LARGE1: variants seen among roughly 807,000 people sequenced by gnomAD.
LARGE1 encodes the protein xylosyl- and glucuronyltransferase LARGE1.
LARGE1 carries 43 observed loss-of-function variants against 87.6 expected under a neutral mutation model. That is an observed-to-expected ratio of 0.49 (90% CI 0.38 to 0.63). LARGE1 has a LOEUF of 0.63. LARGE1 is among the 30% of genes least tolerant of loss of function. LARGE1 has a pLI of 0.00. For synonymous variants in LARGE1, 434 were observed against 394.6 expected (o/e 1.10, Z -1.18); for missense variants, 802 against 1,000.2 (o/e 0.80, Z 2.67).
chr22:33,840,969 A>G (rs962600321), intron 1 of LARGE1, among the ~76,000 whole-genome samples: 2 of 152,216 alleles, frequency 1.3e-5, no homozygotes, highest in Non-Finnish European at 2.9e-5. Flanking sequence ...CATTCAATAG[A>G]AACTATACTT....
intron 11 of LARGE1, among the ~76,000 whole-genome samples, chr22:33,235,733 G>A (rs963599891): frequency 6.6e-6 from 1 of 152,246 alleles, no homozygotes; most frequent in African/African-American, 2.4e-5. Context: ...CCCAGGAGGC[G>A]AAAAGCAAAA....
intron 5 of LARGE1, among the ~76,000 whole-genome samples, chr22:33,582,308 G>T (rs920009665): frequency 6.6e-6 from 1 of 152,072 alleles, no homozygotes; most frequent in African/African-American, 2.4e-5. Context: ...TGGATGAAAA[G>T]TCTTTGTCCT....
At chr22:33,766,477 G>T (rs1407475303) in intron 1 of LARGE1, among the ~76,000 whole-genome samples, 1 of 152,200 alleles carries the variant, frequency 6.6e-6, no homozygotes, top group Non-Finnish European at 1.5e-5. Flanking sequence ...ACAGGCTGGA[G>T]TGCAATGTCG....
intron 1 of LARGE1, among the ~76,000 whole-genome samples, chr22:33,867,457 C>T (rs2064138899): frequency 6.6e-6 from 1 of 152,146 alleles, no homozygotes. Context: ...GTCCCACTGC[C>T]CAGAAAACCC....
chr22:33,203,119 G>A (rs1397750292), intron 11 of LARGE1, among the ~76,000 whole-genome samples: 2 of 151,444 alleles, frequency 1.3e-5, no homozygotes, highest in Non-Finnish European at 2.9e-5. Flanking sequence ...GTGTGTGTGT[G>A]TGTGTGCAAG....
intron 3 of LARGE1, among the ~76,000 whole-genome samples, chr22:33,644,661 C>T (rs983475029): frequency 6.6e-6 from 1 of 152,126 alleles, no homozygotes; most frequent in African/African-American, 2.4e-5. Context: ...ATTTAGAAAA[C>T]CCCATCTTCT....
intron 1 of LARGE1, among the ~76,000 whole-genome samples, chr22:33,848,887 T>A (rs2063506523): frequency 6.6e-6 from 1 of 152,072 alleles, no homozygotes; most frequent in African/African-American, 2.4e-5. Flanking sequence ...TCCTAAAGCT[T>A]TTAAAGAATC....
intron 11 of LARGE1, among the ~76,000 whole-genome samples, chr22:33,233,303 A>ATGATGATGATGATG (rs1568983813): frequency 6.6e-6 from 1 of 151,850 alleles, no homozygotes; most frequent in African/African-American, 2.4e-5. Flanking sequence ...TGATGATGAT[A>ATGATGATGATGATG]ATGATGATGA....
chr22:33,132,845 G>A, the LARGE1 span, among the ~76,000 whole-genome samples: 5 of 152,112 alleles, frequency 3.3e-5, no homozygotes, highest in Non-Finnish European at 7.3e-5. Flanking sequence ...TATCGTGCAT[G>A]TAACATACAC....
Position 33,459,389 on chromosome 22 carries a change from CTT to C in LARGE1, c.788-27126_788-27125del, listed in dbSNP as rs539387448. Among the ~76,000 whole-genome samples, 25 of 150,474 alleles carry C rather than the reference CTT, an allele frequency of 1.7e-4. No individual in the cohort carries two copies. In the South Asian group the frequency reaches 5.3e-3, roughly 32 times the overall value. Reference sequence around the variant, plus strand: ...GAGGAGCATGATCCACCGTGAAAGTCTTTTACAGGGCAGTGAACAGTAAAGTC... The same window carrying C: ...GAGGAGCATGATCCACCGTGAAAGTCTTACAGGGCAGTGAACAGTAAAGTC... On this transcript the variant is annotated intron_variant, in intron 6 of 14. Transcript: ENST00000397394.
At chr22:33,383,933 C>T (rs2065241004) in intron 8 of LARGE1, among the ~76,000 whole-genome samples, 3 of 152,314 alleles carry the variant, frequency 2.0e-5, no homozygotes, top group Admixed American at 6.5e-5. Flanking sequence ...CTATCTCTGT[C>T]ATCCTTTTTC....
At chr22:33,602,049 C>T (rs1001096122) in intron 5 of LARGE1, among the ~76,000 whole-genome samples, 1 of 152,102 alleles carries the variant, frequency 6.6e-6, no homozygotes, top group African/African-American at 2.4e-5. Context: ...ACCGGCCACA[C>T]CACCCGAGTG....
chr22:33,324,117 A>G (rs1937006153), intron 10 of LARGE1, among the ~76,000 whole-genome samples: 1 of 150,416 alleles, frequency 6.6e-6, no homozygotes, highest in South Asian at 2.1e-4. Flanking sequence ...CTGTAACCCC[A>G]TCTACTCGGG....
chr22:33,442,879 G>A lies in LARGE1; in HGVS notation c.788-10614C>T, dbSNP rs957634343. The stretch of plus-strand genomic sequence containing the variant: ...ACTATCTCCGCTCACTGCAAGCTCC[G>A]CCTCCCGGGTTCACGCCATTCTCCT... On this transcript the variant is annotated intron_variant, in intron 6 of 14. Coordinates refer to ENST00000397394, the MANE Select transcript of LARGE1 (RefSeq NM_133642.5). Among the ~76,000 whole-genome samples the A allele has an allele frequency of 8.7e-5, 13 of 150,142 alleles. No individual in the cohort carries two copies. In the Admixed American group the frequency reaches 8.7e-4, roughly 10 times the overall value.
At chr22:33,591,338 C>T (rs569540290) in intron 5 of LARGE1, among the ~76,000 whole-genome samples, 13 of 152,280 alleles carry the variant, frequency 8.5e-5, no homozygotes, top group Non-Finnish European at 1.3e-4. Flanking sequence ...TAATCTTAGC[C>T]ATTGTAGTGG....
intron 11 of LARGE1, among the ~76,000 whole-genome samples, chr22:33,314,178 CCCTTGCTCT>C (rs1569044602): frequency 1.4e-3 from 214 of 152,278 alleles, no homozygotes; most frequent in African/African-American, 5.0e-3. Context: ...CCATGCTTGT[CCCTTGCTCT>C]TTTGTCCCAT....
At chr22:33,269,877 C>T (rs767716293), downstream of LARGE1, among the ~76,000 whole-genome samples, 88 of 151,842 alleles carry the variant, frequency 5.8e-4, no homozygotes, top group African/African-American at 1.8e-3. Context: ...TGGTGGCGGG[C>T]GCCTGTAGTC....
chr22:33,431,888 C>A (rs771898758), intron 7 of LARGE1, among the ~76,000 whole-genome samples: 3 of 152,194 alleles, frequency 2.0e-5, no homozygotes, highest in Non-Finnish European at 4.4e-5. Flanking sequence ...ATGGGTCATA[C>A]TGATAAAGAT....
chr22:33,303,986 T>C (rs1331011365), intron 12 of LARGE1, among the ~76,000 whole-genome samples: 1 of 152,230 alleles, frequency 6.6e-6, no homozygotes, highest in Non-Finnish European at 1.5e-5. Flanking sequence ...CAAAAAGAGA[T>C]GTTCGCTGGA....
Sources: gnomAD v4.1 joint callset for allele counts (sites outside exome capture counted in the v4.1 genomes callset) on GRCh38, gnomAD v4.1.1 for gene constraint, MANE v1.5 for transcripts, NCBI Gene and HGNC (gene_info 2026-07-23, HGNC 2026-07-21) for gene names.